The following COPG2 variants were observed in gnomAD, a reference collection of about 807,000 sequenced individuals.
COPG2 encodes the protein coat protein complex I subunit gamma 2, also known as coatomer subunit gamma-2.
A neutral mutation model predicts 46.3 loss-of-function variants in COPG2; 37 were observed. That is an observed-to-expected ratio of 0.80 (90% CI 0.61 to 1.05). The LOEUF (loss-of-function observed/expected upper bound fraction) is 1.05. Ranked by LOEUF, COPG2 falls within the 50% of genes least tolerant of loss-of-function variation. COPG2 has a pLI of 0.00. For missense variants in COPG2, 427 were observed against 387.8 expected (o/e 1.10, Z -0.85); for synonymous variants, 159 against 129.7 (o/e 1.23, Z -1.53).
chr7:130,508,694 G>A (rs782794247), intron 20 of COPG2, 35 bp from the exon 21 acceptor site: 4 of 727,802 alleles, frequency 5.5e-6, no homozygotes, highest in Admixed American at 2.0e-5. Context: ...GCATCAGTGG[G>A]GAGTGCAAGG....
At chr7:130,634,094 C>A (rs1554455624) in intron 5 of COPG2, among the ~76,000 whole-genome samples, 1 of 152,158 alleles carries the variant, frequency 6.6e-6, no homozygotes, top group Non-Finnish European at 1.5e-5. Context: ...TGTTTTGATA[C>A]CAGTATCACG....
At chr7:130,654,440 T>C (rs1002173612) in intron 4 of COPG2, among the ~76,000 whole-genome samples, 1 of 151,932 alleles carries the variant, frequency 6.6e-6, no homozygotes, top group Non-Finnish European at 1.5e-5. Flanking sequence ...AACTCAGAAA[T>C]AGAGCAAGGA....
chr7:130,662,942 G>GC (rs1796007435), intron 4 of COPG2, 25 bp downstream of exon 4: 5 of 1,418,430 alleles, frequency 3.5e-6, no homozygotes, highest in Non-Finnish European at 4.8e-6. Context: ...GTTTTTCATC[G>GC]TAAAAAAAAT....
chr7:130,598,288 G>A (rs2116475872), intron 9 of COPG2, among the ~76,000 whole-genome samples: 1 of 152,250 alleles, frequency 6.6e-6, no homozygotes, highest in East Asian at 1.9e-4. Flanking sequence ...TACTTGTTCA[G>A]CAATGCCTCG....
chr7:130,641,845 C>A (rs1342203803), intron 5 of COPG2, among the ~76,000 whole-genome samples: 2 of 152,204 alleles, frequency 1.3e-5, no homozygotes, highest in Non-Finnish European at 2.9e-5. Context: ...TCTCCCCCTA[C>A]CCGAATCCAC....
At position 130,509,064 on chromosome 7, in the gene COPG2, G is replaced by A. The variant is rs782437163; in HGVS notation, c.2150-405C>T. 4.4e-6 allele frequency: 2 copies of A among 459,072 alleles called. 1 individual carries two copies. Among genetic ancestry groups the A allele is most frequent in the South Asian group, 3.3e-5 (2 of 61,298 alleles). 28.4% of individuals were successfully genotyped at this position (459,072 alleles called of 1,614,324 possible). A position where few individuals can be genotyped will look rare whatever the true frequency, so the allele number is the denominator to read the frequency against. ...ACAAAAAAAAAACCTGTGGTAAAAA[G>A]CATACAGATCATCAGATTAACATTG... On this transcript the variant is annotated intron_variant, in intron 20 of 23. Coordinates refer to ENST00000425248, the MANE Select transcript of COPG2 (RefSeq NM_012133.6).
chr7:130,627,661 T>A (rs1795141718), intron 5 of COPG2, among the ~76,000 whole-genome samples: 1 of 151,850 alleles, frequency 6.6e-6, no homozygotes, highest in Non-Finnish European at 1.5e-5. Context: ...GCAACAACTT[T>A]AATCTTTCTA....
chr7:130,607,991 G>C (rs571210013), intron 9 of COPG2, among the ~76,000 whole-genome samples: 1 of 152,104 alleles, frequency 6.6e-6, no homozygotes, highest in Admixed American at 6.6e-5. Flanking sequence ...TTGTACTAAT[G>C]TCAATTATTA....
At chr7:130,513,375 ATGTGTG>A (rs1168901549) in intron 20 of COPG2, among the ~76,000 whole-genome samples, 1 of 45,970 alleles carries the variant, frequency 2.2e-5, no homozygotes, top group Non-Finnish European at 5.1e-5. Context: ...ATATATATAT[ATGTGTG>A]TGTGTGTGTA....
At chr7:130,506,957 T>C (rs1312739842) in intron 23 of COPG2, among the ~76,000 whole-genome samples, 151 bp from the exon 24 acceptor site, 1 of 152,236 alleles carries the variant, frequency 6.6e-6, no homozygotes, top group Non-Finnish European at 1.5e-5. Flanking sequence ...CAAACATAAA[T>C]TCCAAATATA....
chr7:130,590,139 A>C (rs538078454), intron 9 of COPG2, among the ~76,000 whole-genome samples: 42 of 152,168 alleles, frequency 2.8e-4, no homozygotes, highest in African/African-American at 7.9e-4. Flanking sequence ...ACCTATTTTT[A>C]TGAATGTAAG....
rs1156339817 is a variant in COPG2, at chr7:130,517,055, G to C, written c.2150-8396C>G. Among the ~76,000 whole-genome samples, 20 of 152,280 alleles carry C rather than the reference G, an allele frequency of 1.3e-4. 1 individual carries two copies. The highest frequency in any genetic ancestry group is 1.3e-3 in the Admixed American group (20 of 15,294). On this transcript the variant is annotated intron_variant, in intron 20 of 23. Coordinates refer to ENST00000425248, the MANE Select transcript of COPG2 (RefSeq NM_012133.6). ...ACACACAGGTGACAGCTGAAAGAAG[G>C]AGGGACACAGAAGATATAGCAGCAT...
chr7:130,508,082 G>A (rs998102838), intron 21 of COPG2: 9 of 404,836 alleles, frequency 2.2e-5, no homozygotes, highest in Admixed American at 4.1e-5. Flanking sequence ...CTTGACCACT[G>A]AGTTCTGGGC....
At chr7:130,640,765 C>A (rs1554457095) in intron 5 of COPG2, among the ~76,000 whole-genome samples, 1 of 152,226 alleles carries the variant, frequency 6.6e-6, no homozygotes, top group East Asian at 1.9e-4. Flanking sequence ...TCCACTTCTG[C>A]CTGTGTGAGT....
chr7:130,596,805 G>A (rs547945949), intron 9 of COPG2, among the ~76,000 whole-genome samples: 3 of 152,202 alleles, frequency 2.0e-5, no homozygotes, highest in Admixed American at 1.3e-4. Flanking sequence ...TGTAAATGCT[G>A]GAACTAGTCC....
intron 5 of COPG2, among the ~76,000 whole-genome samples, chr7:130,638,417 C>T (rs191252389): frequency 1.3e-4 from 20 of 152,300 alleles, no homozygotes; most frequent in African/African-American, 4.6e-4. Context: ...TTCAGAGATG[C>T]CCTGCCCAGA....
rs1323833495 is a variant in COPG2 at position 130,643,451 on chromosome 7, C to CATT, written c.323+9415_323+9417dup. 1.9e-4 allele frequency among the ~76,000 whole-genome samples: 29 copies of CATT among 152,182 alleles called. No individual in the cohort carries two copies. In the East Asian group the frequency reaches 4.4e-3, roughly 23 times the overall value. The stretch of plus-strand genomic sequence containing the variant: ...AAGCATGTCAATGCAGTCATTTTTA[C>CATT]ATTATTATTATTTTTTTAAGGAGCC... On this transcript the variant is annotated intron_variant, in intron 5 of 23. Coordinates refer to ENST00000425248, the MANE Select transcript of COPG2 (RefSeq NM_012133.6).
chr7:130,572,378 T>C (rs1793921442), intron 9 of COPG2, among the ~76,000 whole-genome samples: 2 of 152,126 alleles, frequency 1.3e-5, no homozygotes, highest in South Asian at 4.1e-4. Context: ...GCTAACTGAT[T>C]ATAGAAAACA....
At chr7:130,566,571 T>C (rs1793806630) in intron 9 of COPG2, among the ~76,000 whole-genome samples, 1 of 152,190 alleles carries the variant, frequency 6.6e-6, no homozygotes, top group Non-Finnish European at 1.5e-5. Context: ...ATGCAGGTTT[T>C]ATGTCCAGCA....
Sources: gnomAD v4.1 joint callset for allele counts (sites outside exome capture counted in the v4.1 genomes callset) on GRCh38, gnomAD v4.1.1 for gene constraint, MANE v1.5 for transcripts, NCBI Gene and HGNC (gene_info 2026-07-23, HGNC 2026-07-21) for gene names.